PSD3: variants seen among roughly 807,000 people sequenced by gnomAD.
The protein encoded by PSD3 is pleckstrin and Sec7 domain containing 3, also known as PH and SEC7 domain-containing protein 3.
A neutral mutation model predicts 105.5 loss-of-function variants in PSD3; 49 were observed. The ratio of observed to expected loss-of-function variants is 0.46; its 90% CI spans 0.37 to 0.59. PSD3 has a LOEUF of 0.59. PSD3 is among the 20% of genes least tolerant of loss of function. The probability of loss-of-function intolerance (pLI) is 0.00; values close to 1 mark genes in which losing one functional copy is unlikely to be tolerated. For missense variants in PSD3, 1,561 were observed against 1,263.8 expected (o/e 1.24, Z -3.57); for synonymous variants, 557 against 457.8 (o/e 1.22, Z -2.77).
Position 18,890,521 on chromosome 8 carries a change from C to T in PSD3, c.131-17788G>A, listed in dbSNP as rs376016502. On this transcript the variant is annotated intron_variant, in intron 2 of 15. Coordinates refer to ENST00000327040, the MANE Select transcript of PSD3 (RefSeq NM_015310.4). ...CACGCCAGAGCTCTGTACTCTAATA[C>T]GCTGTTTTGAAAAGAAAACAAAACC... Among the ~76,000 whole-genome samples the T allele has an allele frequency of 7.9e-5, 12 of 152,154 alleles. No individual in the cohort carries two copies. The South Asian group carries it at 2.3e-3, about 29-fold the overall frequency.
At chr8:18,616,545 G>C (rs951922531) in intron 11 of PSD3, among the ~76,000 whole-genome samples, 12 of 151,528 alleles carry the variant, frequency 7.9e-5, no homozygotes, top group Non-Finnish European at 1.8e-4. Flanking sequence ...TCATGCCTAG[G>C]TTTTACCACC....
chr8:18,567,199 C>A (rs967342475), intron 14 of PSD3, among the ~76,000 whole-genome samples: 2 of 152,012 alleles, frequency 1.3e-5, no homozygotes, highest in African/African-American at 4.8e-5. Context: ...GAGAAAGACC[C>A]AAACTACTGA....
intron 10 of PSD3, among the ~76,000 whole-genome samples, chr8:18,651,895 G>A (rs531772296): frequency 6.6e-6 from 1 of 152,168 alleles, no homozygotes; most frequent in Non-Finnish European, 1.5e-5. Flanking sequence ...CCTAATTAAA[G>A]TTTTACAGCA....
At chr8:18,634,181 T>G (rs745342372) in intron 10 of PSD3, among the ~76,000 whole-genome samples, 6 of 151,968 alleles carry the variant, frequency 3.9e-5, no homozygotes, top group South Asian at 2.1e-4. Context: ...GATTAACAGT[T>G]TGCAAATAAC....
intron 9 of PSD3, among the ~76,000 whole-genome samples, chr8:18,678,517 T>A (rs1800194733): frequency 6.6e-6 from 1 of 152,218 alleles, no homozygotes; most frequent in African/African-American, 2.4e-5. Context: ...AAATACTACA[T>A]AAGAGTTTTC....
chr8:18,879,539 C>A (rs927267110), intron 2 of PSD3, among the ~76,000 whole-genome samples: 2 of 152,114 alleles, frequency 1.3e-5, no homozygotes, highest in African/African-American at 4.8e-5. Flanking sequence ...GGAGTAAAAG[C>A]CTGGGAGAAA....
intron 1 of PSD3, among the ~76,000 whole-genome samples, chr8:19,069,978 C>T (rs139846489): frequency 0.011 from 1,701 of 148,928 alleles, 35 homozygotes; most frequent in African/African-American, 0.039. Context: ...CAGAGTCTTG[C>T]TCTGTCACCA....
chr8:18,804,452 G>C (rs577905599), intron 6 of PSD3, 70 bp downstream of exon 6: 1 of 1,299,566 alleles, frequency 7.7e-7, no homozygotes, highest in Non-Finnish European at 1.1e-6. Flanking sequence ...CTAGCTAGAA[G>C]ACATTACTTT....
intron 2 of PSD3, among the ~76,000 whole-genome samples, chr8:18,889,470 C>T (rs1332458586): frequency 1.3e-5 from 2 of 152,142 alleles, no homozygotes; most frequent in African/African-American, 4.8e-5. Flanking sequence ...AGGCCCAGGT[C>T]CTGGACAACT....
chr8:18,556,670 C>A (rs1465709165), intron 14 of PSD3, among the ~76,000 whole-genome samples: 1 of 152,224 alleles, frequency 6.6e-6, no homozygotes, highest in Non-Finnish European at 1.5e-5. Context: ...ACAGGCATGT[C>A]ACCAGCTGAA....
At chr8:18,684,525 C>A (rs1303497514) in intron 9 of PSD3, among the ~76,000 whole-genome samples, 1 of 152,132 alleles carries the variant, frequency 6.6e-6, no homozygotes, top group African/African-American at 2.4e-5. Flanking sequence ...ATGCGAGACA[C>A]AAAGGCATCT....
Position 18,840,255 on chromosome 8 carries a change from AGTAATAG to A in PSD3, c.1634+27412_1634+27418del, listed in dbSNP as rs199878728. Among the ~76,000 whole-genome samples, 111 of 152,270 alleles carry A rather than the reference AGTAATAG, an allele frequency of 7.3e-4. 1 individual carries two copies. In the East Asian group the frequency reaches 0.02, roughly 28 times the overall value. Reference sequence around the variant, plus strand: ...AAGCCTCAAACCCTCAATCACTCTGAGTAATAGGTGGGGAAGTTGTGTGGGGTGCATT... The same window carrying A: ...AAGCCTCAAACCCTCAATCACTCTGAGTGGGGAAGTTGTGTGGGGTGCATT... On this transcript the variant is annotated intron_variant, in intron 4 of 15. Coordinates refer to ENST00000327040, the MANE Select transcript of PSD3 (RefSeq NM_015310.4).
rs547869885 is a variant in PSD3 at position 18,773,634 on chromosome 8, C to G, written c.2083-8096G>C. Among the ~76,000 whole-genome samples, 9 of 152,222 alleles carry G rather than the reference C, an allele frequency of 5.9e-5. No homozygotes were observed. In the South Asian group the frequency reaches 1.7e-3, roughly 28 times the overall value. ...GAAATATTTTCCCTTTTATTTGCAT[C>G]TTATTATTCTGCAGCATGGTTTGAT... On this transcript the variant is annotated intron_variant, in intron 8 of 15. Transcript: ENST00000327040.
At chr8:18,717,752 C>T (rs1407311238) in intron 9 of PSD3, among the ~76,000 whole-genome samples, 1 of 152,170 alleles carries the variant, frequency 6.6e-6, no homozygotes, top group Non-Finnish European at 1.5e-5. Context: ...AAAATATTCC[C>T]TTTGCCTTCT....
intron 1 of PSD3, among the ~76,000 whole-genome samples, chr8:19,028,574 A>G (rs534282113): frequency 1.3e-4 from 20 of 152,182 alleles, no homozygotes; most frequent in African/African-American, 4.1e-4. Context: ...AGAATTCTTT[A>G]TACATCCTGG....
chr8:18,724,564 A>G (rs1223413808), intron 9 of PSD3, among the ~76,000 whole-genome samples: 4 of 152,106 alleles, frequency 2.6e-5, no homozygotes, highest in African/African-American at 7.2e-5. Flanking sequence ...GTGAGCTATG[A>G]TCACTCCATT....
At chr8:18,560,425 T>C (rs1801330828) in intron 14 of PSD3, among the ~76,000 whole-genome samples, 1 of 152,136 alleles carries the variant, frequency 6.6e-6, no homozygotes, top group Non-Finnish European at 1.5e-5. Context: ...ATACTGTTTT[T>C]AGAAGACAAT....
rs1172396433 is a variant in PSD3 at position 18,535,307 on chromosome 8, T to A, written c.*436A>T. The A allele has an allele frequency of 4.0e-5, 7 of 176,576 alleles. No homozygotes were observed. Among genetic ancestry groups the A allele is most frequent in the African/African-American group, 1.4e-4 (6 of 41,810 alleles). 10.9% of individuals were successfully genotyped at this position (176,576 alleles called of 1,614,324 possible). On this transcript the variant is annotated 3_prime_UTR_variant, in exon 16 of 16. Coordinates refer to ENST00000327040, the MANE Select transcript of PSD3 (RefSeq NM_015310.4). ...CTGTGACTGGGCAAGATTTCACATA[T>A]AAAGGCGTATATTAACTCCAGCTAG...
chr8:18,947,707 C>T lies in PSD3; in HGVS notation c.22-11565G>A, dbSNP rs369172394. 5.3e-5 allele frequency among the ~76,000 whole-genome samples: 8 copies of T among 152,246 alleles called. No individual in the cohort carries two copies. The East Asian group carries it at 5.8e-4, about 11-fold the overall frequency. ...GTAACCTTCATGTTGGACCCATTTT[C>T]GTTGTCTTTTAACCAGATGGGAAGA... On this transcript the variant is annotated intron_variant, in intron 1 of 15. Coordinates refer to ENST00000327040, the MANE Select transcript of PSD3 (RefSeq NM_015310.4).
Sources: allele counts gnomAD v4.1 joint callset (sites outside exome capture counted in the v4.1 genomes callset), GRCh38; gene constraint gnomAD v4.1.1; transcripts MANE v1.5; gene names NCBI Gene and HGNC (gene_info 2026-07-23, HGNC 2026-07-21).